RCAN2: variants seen among roughly 807,000 people sequenced by gnomAD.
RCAN2 encodes calcipressin-2.
RCAN2 carries 9 observed loss-of-function variants against 23.6 expected under a neutral mutation model. The observed-to-expected ratio is 0.38, with a 90% confidence interval of 0.23 to 0.67. The LOEUF is 0.67. RCAN2 is among the 30% of genes least tolerant of loss of function. The probability of loss-of-function intolerance (pLI) is 0.51; values close to 1 mark genes in which losing one functional copy is unlikely to be tolerated. For missense variants in RCAN2, 273 were observed against 302.3 expected (o/e 0.90, Z 0.72); for synonymous variants, 109 against 115.7 (o/e 0.94, Z 0.37).
chr6:46,248,958 T>C lies in RCAN2; in HGVS notation c.226-62A>G, dbSNP rs1288382720. ...ATGGCATGGATCTCGTATGATGTCATATCTGATAAAAACAAACAACTAAAT... is the reference window on the plus strand; with the variant it reads ...ATGGCATGGATCTCGTATGATGTCACATCTGATAAAAACAAACAACTAAAT... On this transcript the variant is annotated intron_variant, in intron 2 of 4. Transcript: ENST00000371374. 9 of 1,213,312 alleles carry C rather than the reference T, an allele frequency of 7.4e-6. No individual in the cohort carries two copies. In the Admixed American group the frequency reaches 2.1e-4, roughly 29 times the overall value. The allele number at this position is 1,213,312 out of a possible 1,614,324, so 75.2% of individuals were successfully genotyped here. A position where few individuals can be genotyped will look rare whatever the true frequency, so the allele number is the denominator to read the frequency against.
intron 1 of RCAN2, among the ~76,000 whole-genome samples, chr6:46,485,783 C>A (rs929308036): frequency 6.6e-6 from 1 of 152,114 alleles, no homozygotes; most frequent in Admixed American, 6.5e-5. Flanking sequence ...CTTCAAACCA[C>A]AGTCTCCTTC....
intron 2 of RCAN2, among the ~76,000 whole-genome samples, chr6:46,325,039 T>G (rs958551092): frequency 3.3e-5 from 5 of 152,250 alleles, no homozygotes; most frequent in African/African-American, 1.2e-4. Context: ...GCTTTCTTCA[T>G]GTAATCATTG....
At chr6:46,398,792 A>T (rs963408345) in intron 2 of RCAN2, among the ~76,000 whole-genome samples, 5 of 152,100 alleles carry the variant, frequency 3.3e-5, no homozygotes, top group African/African-American at 1.2e-4. Context: ...CCACAATGTG[A>T]TCAGTGATTT....
intron 2 of RCAN2, among the ~76,000 whole-genome samples, chr6:46,270,940 C>T (rs993674943): frequency 1.3e-5 from 2 of 152,180 alleles, no homozygotes; most frequent in Non-Finnish European, 2.9e-5. Context: ...AAGACTGTAG[C>T]CACAGCCAGT....
At chr6:46,304,062 C>A (rs1444209793) in intron 2 of RCAN2, among the ~76,000 whole-genome samples, 1 of 152,130 alleles carries the variant, frequency 6.6e-6, no homozygotes, top group African/African-American at 2.4e-5. Context: ...CTCCCACTGG[C>A]AACACAGGAG....
intron 2 of RCAN2, among the ~76,000 whole-genome samples, chr6:46,302,352 A>G (rs187515247): frequency 7.0e-4 from 106 of 151,986 alleles, no homozygotes; most frequent in Non-Finnish European, 1.0e-3. Context: ...GATGTGTTGG[A>G]TCTCAGTAAC....
In RCAN2 at chr6:46,379,852, T is replaced by C. The variant is rs1244863972; in HGVS notation, c.225+76900A>G. 3.2e-4 allele frequency among the ~76,000 whole-genome samples: 49 copies of C among 152,254 alleles called. 3 individuals carry two copies. Among genetic ancestry groups the C allele is most frequent in the Non-Finnish European group, 5.9e-5 (4 of 68,008 alleles). ...GAAATACTCCTTTCAGATCACTGTGTCGTTGGGATTTGCCCAGCTCACTGG... is the reference window on the plus strand; with the variant it reads ...GAAATACTCCTTTCAGATCACTGTGCCGTTGGGATTTGCCCAGCTCACTGG... On this transcript the variant is annotated intron_variant, in intron 2 of 4. Transcript: ENST00000371374.
At chr6:46,384,640 A>G (rs571337321) in intron 2 of RCAN2, among the ~76,000 whole-genome samples, 1 of 152,366 alleles carries the variant, frequency 6.6e-6, no homozygotes, top group South Asian at 2.1e-4. Context: ...ATTCAAAGCT[A>G]AAATGCTGAA....
chr6:46,232,643 A>G (rs1765936736), intron 4 of RCAN2, among the ~76,000 whole-genome samples: 3 of 152,148 alleles, frequency 2.0e-5, no homozygotes, highest in Middle Eastern at 3.4e-3. Context: ...AAATACAAAA[A>G]TTAGCTGGGC....
intron 2 of RCAN2, among the ~76,000 whole-genome samples, chr6:46,388,373 C>T (rs544211146): frequency 3.9e-5 from 6 of 152,068 alleles, no homozygotes; most frequent in Non-Finnish European, 8.8e-5. Context: ...GTTCAACCAT[C>T]GTGGAAGGCA....
At chr6:46,464,927 A>G (rs2150437617) in intron 1 of RCAN2, among the ~76,000 whole-genome samples, 1 of 145,138 alleles carries the variant, frequency 6.9e-6, no homozygotes, top group South Asian at 2.2e-4. Context: ...AAAAAAAAAA[A>G]GCAAGTTGTT....
At position 46,447,946 on chromosome 6, in the gene RCAN2, G is replaced by T. The variant is rs6925914; in HGVS notation, c.225+8806C>A. Among the ~76,000 whole-genome samples the T allele has an allele frequency of 2.7e-3, 407 of 150,854 alleles. 3 individuals carry two copies. The highest frequency in any genetic ancestry group is 9.5e-3 in the African/African-American group (392 of 41,242). On this transcript the variant is annotated intron_variant, in intron 2 of 4. Coordinates refer to ENST00000371374, the MANE Select transcript of RCAN2 (RefSeq NM_001251974.2). Reference sequence around the variant, plus strand: ...ATACCACAAGGAATTAAAAAGAAAAGAACAAACTAAGCCCAAAGTTAGTAG... The same window carrying T: ...ATACCACAAGGAATTAAAAAGAAAATAACAAACTAAGCCCAAAGTTAGTAG...
intron 2 of RCAN2, among the ~76,000 whole-genome samples, chr6:46,429,789 A>G (rs560307218): frequency 6.6e-6 from 1 of 152,324 alleles, no homozygotes; most frequent in African/African-American, 2.4e-5. Context: ...GCTCTGAAGG[A>G]AAGAAGCACA....
At chr6:46,484,637 A>C (rs1275252764) in intron 1 of RCAN2, among the ~76,000 whole-genome samples, 1 of 152,246 alleles carries the variant, frequency 6.6e-6, no homozygotes, top group Non-Finnish European at 1.5e-5. Flanking sequence ...GCGTTAGCAG[A>C]TCAGCAGGCT....
chr6:46,251,717 G>A (rs1766729507), intron 2 of RCAN2, among the ~76,000 whole-genome samples: 1 of 152,192 alleles, frequency 6.6e-6, no homozygotes, highest in Non-Finnish European at 1.5e-5. Flanking sequence ...CCAGGTTTTA[G>A]GCTTAGAGGG....
At chr6:46,359,430 G>A (rs1388763238) in intron 2 of RCAN2, among the ~76,000 whole-genome samples, 2 of 152,260 alleles carry the variant, frequency 1.3e-5, no homozygotes, top group Middle Eastern at 3.4e-3. Context: ...GTCAACATTC[G>A]GCCTAGAGTC....
chr6:46,444,022 T>A (rs1423610345), intron 2 of RCAN2, among the ~76,000 whole-genome samples: 1 of 152,218 alleles, frequency 6.6e-6, no homozygotes, highest in Non-Finnish European at 1.5e-5. Context: ...CAATATTGAT[T>A]GAGCACCTAC....
chr6:46,401,906 T>A (rs184252776), intron 2 of RCAN2, among the ~76,000 whole-genome samples: 200 of 152,156 alleles, frequency 1.3e-3, no homozygotes, highest in Non-Finnish European at 1.9e-3. Context: ...AGGACACTTG[T>A]GAAAGACAGG....
At chr6:46,450,344 G>A (rs1767840455) in intron 2 of RCAN2, among the ~76,000 whole-genome samples, 1 of 152,038 alleles carries the variant, frequency 6.6e-6, no homozygotes, top group Admixed American at 6.6e-5. Context: ...CATTGTTAGT[G>A]GGAATGTACA....
Sources: gnomAD v4.1 joint callset for allele counts (sites outside exome capture counted in the v4.1 genomes callset) on GRCh38, gnomAD v4.1.1 for gene constraint, MANE v1.5 for transcripts, NCBI Gene and HGNC (gene_info 2026-07-23, HGNC 2026-07-21) for gene names.